The following EARS2 variants were observed in gnomAD, a reference collection of about 807,000 sequenced individuals.
EARS2 encodes glutamyl-tRNA synthetase 2, mitochondrial.
EARS2 carries 50 observed loss-of-function variants against 54.1 expected under a neutral mutation model. The ratio of observed to expected loss-of-function variants is 0.92; its 90% CI spans 0.74 to 1.17. EARS2 has a LOEUF of 1.17. Ranked by LOEUF, EARS2 falls within the 50% of genes most tolerant of loss-of-function variation. The pLI is 0.00. For synonymous variants in EARS2, 298 were observed against 281.0 expected (o/e 1.06, Z -0.61); for missense variants, 673 against 675.0 (o/e 1.00, Z 0.03).
intron 3 of EARS2, among the ~76,000 whole-genome samples, chr16:23,539,389 C>A (rs1455763706): frequency 1.3e-5 from 2 of 152,246 alleles, no homozygotes; most frequent in East Asian, 3.9e-4. Context: ...GACTTTTCCA[C>A]CCCAATGACA....
chr16:23,534,815 G>T (rs1332038267), intron 4 of EARS2, 73 bp downstream of exon 4: 1 of 1,345,746 alleles, frequency 7.4e-7, no homozygotes, highest in Non-Finnish European at 1.0e-6. Flanking sequence ...CAAAGAGCAG[G>T]ACTGTCTGAG....
chr16:23,533,837 C>T (rs1965366602), intron 4 of EARS2, among the ~76,000 whole-genome samples: 1 of 152,108 alleles, frequency 6.6e-6, no homozygotes, highest in African/African-American at 2.4e-5. Flanking sequence ...GGGTGGATCA[C>T]CTGAGGTCAG....
At chr16:23,532,865 G>C (rs1965350601) in intron 4 of EARS2, 100 bp from the exon 5 acceptor site, 18 of 778,386 alleles carry the variant, frequency 2.3e-5, no homozygotes, top group Non-Finnish European at 3.5e-5. Context: ...CTGCTGCCCA[G>C]GTTGGAGTGC....
In EARS2 at chr16:23,521,567, T is replaced by C. The variant is rs1424426664; in HGVS notation, c.*2804A>G. Among the ~76,000 whole-genome samples the C allele has an allele frequency of 6.6e-6, 1 of 152,096 alleles. No individual in the cohort carries two copies. The highest frequency in any genetic ancestry group is 2.4e-5 in the African/African-American group (1 of 41,410). On this transcript the variant is annotated 3_prime_UTR_variant, in exon 9 of 9. Coordinates refer to ENST00000449606, the MANE Select transcript of EARS2 (RefSeq NM_001083614.2). ...GCATATGTCACCTCACCTGGCTAAT[T>C]TTTAAATTTTTTGTAGAGACAGGAT... is the stretch of plus-strand genomic sequence containing the variant.
intron 2 of EARS2, among the ~76,000 whole-genome samples, chr16:23,548,332 GC>G (rs1965639782): frequency 6.6e-6 from 1 of 152,092 alleles, no homozygotes; most frequent in African/African-American, 2.4e-5. Context: ...CCAGAAGTCA[GC>G]CACCATGAGG....
chr16:23,538,764 G>C (rs1270189034), intron 3 of EARS2, among the ~76,000 whole-genome samples: 1 of 152,028 alleles, frequency 6.6e-6, no homozygotes, highest in African/African-American at 2.4e-5. Context: ...TTGGGAGACT[G>C]AAGCAGGATT....
intron 2 of EARS2, among the ~76,000 whole-genome samples, 174 bp downstream of exon 2, chr16:23,551,975 A>C (rs2142195208): frequency 6.6e-6 from 1 of 152,274 alleles, no homozygotes; most frequent in East Asian, 1.9e-4. Flanking sequence ...TGTTTCAGAG[A>C]GCTTCGGCAT....
chr16:23,537,827 TGTCACCCAGGCTGGAGTACAGTAGAGTGA>T (rs1477660813), intron 3 of EARS2, among the ~76,000 whole-genome samples: 2 of 149,952 alleles, frequency 1.3e-5, no homozygotes, highest in Non-Finnish European at 3.0e-5. Flanking sequence ...GGTCTCACTC[TGTCACCCAGGCTGGAGTACAGTAGAGTGA>T]TCACAGCTCA....
chr16:23,536,682 C>CTTTT (rs953231916), intron 3 of EARS2, among the ~76,000 whole-genome samples: 3 of 113,486 alleles, frequency 2.6e-5, no homozygotes, highest in Non-Finnish European at 5.6e-5. Flanking sequence ...CTTTTTTTTT[C>CTTTT]TTTTTTTTTT....
intron 7 of EARS2, 143 bp downstream of exon 7, chr16:23,529,359 C>A: frequency 8.8e-7 from 1 of 1,138,350 alleles, no homozygotes; most frequent in Middle Eastern, 2.4e-4. Context: ...TCCTCACCAG[C>A]GAAAGCCAGT....
At chr16:23,526,916 A>G (rs1270799625) in intron 7 of EARS2, among the ~76,000 whole-genome samples, 2 of 152,142 alleles carry the variant, frequency 1.3e-5, no homozygotes, top group African/African-American at 2.4e-5. Flanking sequence ...GCTGGGGATG[A>G]GTATATTTCA....
intron 8 of EARS2, among the ~76,000 whole-genome samples, chr16:23,524,865 A>C (rs1192151143): frequency 1.3e-5 from 2 of 151,948 alleles, no homozygotes; most frequent in Non-Finnish European, 2.9e-5. Context: ...GGCTGGTCTC[A>C]AACTCCTGAC....
intron 5 of EARS2, among the ~76,000 whole-genome samples, chr16:23,531,848 C>T (rs1965332793): frequency 6.6e-6 from 1 of 152,142 alleles, no homozygotes; most frequent in African/African-American, 2.4e-5. Context: ...CAGAGTATCA[C>T]TTTGTTGCCC....
intron 3 of EARS2, among the ~76,000 whole-genome samples, chr16:23,538,325 G>A (rs1218077874): frequency 6.6e-6 from 1 of 151,712 alleles, no homozygotes; most frequent in African/African-American, 2.4e-5. Context: ...TTTCAGCAGA[G>A]ATGGGGTTTC....
At chr16:23,545,404 G>A (rs550146876) in intron 2 of EARS2, 1 of 152,098 alleles carries the variant, frequency 6.6e-6, no homozygotes, top group Admixed American at 6.5e-5. Context: ...CTGCCACTTA[G>A]TAGCTGTGAC....
At chr16:23,553,007 A>T in intron 1 of EARS2, 1 of 373,488 alleles carries the variant, frequency 2.7e-6, no homozygotes, top group Non-Finnish European at 5.3e-6. Flanking sequence ...ATGGTGGTAC[A>T]TGCCTGTGGT....
At chr16:23,541,310 G>C (rs996477617) in intron 3 of EARS2, among the ~76,000 whole-genome samples, 5 of 152,188 alleles carry the variant, frequency 3.3e-5, no homozygotes, top group East Asian at 1.9e-4. Context: ...CTGGGGAATA[G>C]AGCAAGACTC....
At chr16:23,535,577 TC>T in intron 3 of EARS2, 1 of 588,124 alleles carries the variant, frequency 1.7e-6, no homozygotes. Flanking sequence ...ATTCCACGCT[TC>T]TTCCTTGCTA....
chr16:23,547,374 G>A (rs377747144), intron 2 of EARS2, among the ~76,000 whole-genome samples: 1 of 152,174 alleles, frequency 6.6e-6, no homozygotes, highest in Admixed American at 6.6e-5. Flanking sequence ...CTGCTAATAA[G>A]GAAGAGTTTC....
Sources: allele counts gnomAD v4.1 joint callset (sites outside exome capture counted in the v4.1 genomes callset), GRCh38; gene constraint gnomAD v4.1.1; transcripts MANE v1.5; gene names NCBI Gene and HGNC (gene_info 2026-07-23, HGNC 2026-07-21).